RBFOX1: variants seen among roughly 807,000 people sequenced by gnomAD.
The protein encoded by RBFOX1 is RNA binding fox-1 homolog 1, also known as RNA binding protein fox-1 homolog 1.
Under a neutral mutation model 57.7 loss-of-function variants are expected in RBFOX1, and 8 were observed. The observed-to-expected ratio is 0.14, with a 90% CI of 0.08 to 0.25. RBFOX1 has a LOEUF of 0.25. RBFOX1 is among the 10% of genes least tolerant of loss of function. RBFOX1 has a pLI of 1.00. For missense variants in RBFOX1, 611 were observed against 548.5 expected, an observed-to-expected ratio of 1.11 and a Z score of -1.14; for synonymous variants, 326 against 222.4, an observed-to-expected ratio of 1.47 and a Z score of -4.15.
chr16:7,125,845 G>C (rs1269935859), intron 4 of RBFOX1, among the ~76,000 whole-genome samples: 1 of 152,180 alleles, frequency 6.6e-6, no homozygotes, highest in Non-Finnish European at 1.5e-5. Context: ...CACTTTGGGA[G>C]GCTGCGGTGG....
At chr16:5,553,962 C>G in intron 2 of RBFOX1, among the ~76,000 whole-genome samples, 1 of 134,010 alleles carries the variant, frequency 7.5e-6, no homozygotes. Flanking sequence ...TTTCTTATAA[C>G]ACGTATTCTT....
At chr16:7,398,872 G>A (rs1412660185) in intron 4 of RBFOX1, among the ~76,000 whole-genome samples, 3 of 152,144 alleles carry the variant, frequency 2.0e-5, no homozygotes, top group African/African-American at 7.2e-5. Flanking sequence ...GGGGCTAGAG[G>A]GTTCCCTATT....
intron 3 of RBFOX1, among the ~76,000 whole-genome samples, chr16:6,862,353 G>A (rs903796643): frequency 6.6e-6 from 1 of 152,160 alleles, no homozygotes; most frequent in African/African-American, 2.4e-5. Flanking sequence ...GTTCCTGGAA[G>A]CACATTTTGA....
chr16:5,606,447 T>G (rs536014988), intron 3 of RBFOX1, among the ~76,000 whole-genome samples: 51 of 152,120 alleles, frequency 3.4e-4, no homozygotes, highest in African/African-American at 1.2e-3. Flanking sequence ...CCCTCCACCC[T>G]CATTCCTCCC....
At chr16:7,403,176 A>T (rs914432845) in intron 4 of RBFOX1, among the ~76,000 whole-genome samples, 1 of 152,196 alleles carries the variant, frequency 6.6e-6, no homozygotes, top group Non-Finnish European at 1.5e-5. Context: ...TACATTATGC[A>T]GTGACCACCA....
intron 4 of RBFOX1, among the ~76,000 whole-genome samples, chr16:7,170,965 A>G (rs2080572966): frequency 6.6e-6 from 1 of 152,302 alleles, no homozygotes. Flanking sequence ...TTCCTTTTGC[A>G]GGTGATCCTA....
chr16:7,086,935 C>G (rs1412278505), intron 4 of RBFOX1, among the ~76,000 whole-genome samples: 1 of 152,144 alleles, frequency 6.6e-6, no homozygotes, highest in African/African-American at 2.4e-5. Flanking sequence ...CCCTCCTTCC[C>G]TTTTCCCGGT....
At chr16:7,011,817 A>T (rs563884660) in intron 3 of RBFOX1, among the ~76,000 whole-genome samples, 10 of 152,270 alleles carry the variant, frequency 6.6e-5, no homozygotes, top group Non-Finnish European at 1.3e-4. Flanking sequence ...CCGTGCCCCA[A>T]GTTGTTTTTG....
chr16:5,310,843 A>C (rs2064068071), intron 1 of RBFOX1, among the ~76,000 whole-genome samples: 1 of 152,210 alleles, frequency 6.6e-6, no homozygotes. Flanking sequence ...TTTTCTTTAA[A>C]ATTTTTAAAA....
chr16:7,052,067 A>T lies in RBFOX1; in HGVS notation c.-5A>T, dbSNP rs1346519398. 1 of 1,612,708 alleles carries T rather than the reference A, an allele frequency of 6.2e-7. No individual in the cohort carries two copies. ...TTCTTTTCTTTCTAGGTTTCAAGACAACAGATGAATTGTGAAAGAGAGCAG... is the reference window on the plus strand; with the variant it reads ...TTCTTTTCTTTCTAGGTTTCAAGACTACAGATGAATTGTGAAAGAGAGCAG... On this transcript the variant is annotated 5_prime_UTR_variant, in exon 4 of 16. Coordinates refer to ENST00000550418, the MANE Select transcript of RBFOX1 (RefSeq NM_018723.4).
chr16:5,347,706 A>C (rs566510239), intron 1 of RBFOX1, among the ~76,000 whole-genome samples: 2 of 119,336 alleles, frequency 1.7e-5, no homozygotes, highest in Admixed American at 9.6e-5. Context: ...CCTTCCACCC[A>C]CCCATCCATC....
At chr16:7,665,062 A>T (rs1445616351) in intron 13 of RBFOX1, 94 bp downstream of exon 13, 3 of 1,610,068 alleles carry the variant, frequency 1.9e-6, no homozygotes, top group Non-Finnish European at 2.5e-6. Flanking sequence ...GGCGTAGTTG[A>T]GTTTCTCTCC....
chr16:6,658,797 C>G (rs1202971312), intron 3 of RBFOX1, among the ~76,000 whole-genome samples: 3 of 152,058 alleles, frequency 2.0e-5, no homozygotes. Flanking sequence ...ATGAATGTAC[C>G]TGCTTGGATG....
intron 5 of RBFOX1, among the ~76,000 whole-genome samples, chr16:7,573,793 C>T (rs1332107390): frequency 6.6e-6 from 1 of 151,424 alleles, no homozygotes; most frequent in African/African-American, 2.4e-5. Flanking sequence ...TAAGATTGTG[C>T]CACTAGACTC....
intron 3 of RBFOX1, among the ~76,000 whole-genome samples, chr16:6,900,349 C>G (rs978208397): frequency 6.6e-6 from 1 of 152,174 alleles, no homozygotes; most frequent in Non-Finnish European, 1.5e-5. Flanking sequence ...CCACAAAATC[C>G]TTTAGGGATC....
intron 1 of RBFOX1, among the ~76,000 whole-genome samples, chr16:5,437,461 C>G (rs954508399): frequency 2.0e-5 from 3 of 152,154 alleles, no homozygotes; most frequent in African/African-American, 7.2e-5. Flanking sequence ...ACATGAAGAA[C>G]AAAAGTGTAC....
intron 3 of RBFOX1, among the ~76,000 whole-genome samples, chr16:6,829,841 A>T (rs905284274): frequency 1.3e-5 from 2 of 152,276 alleles, no homozygotes; most frequent in South Asian, 4.2e-4. Flanking sequence ...ACCTTAGGAG[A>T]TCTGCCTGCC....
At chr16:5,637,008 C>T (rs1237451564) in intron 3 of RBFOX1, among the ~76,000 whole-genome samples, 3 of 152,200 alleles carry the variant, frequency 2.0e-5, no homozygotes, top group African/African-American at 7.2e-5. Flanking sequence ...TCGGGCCCCT[C>T]AGGCTTCAAG....
At chr16:6,668,692 T>C (rs954052394) in intron 3 of RBFOX1, among the ~76,000 whole-genome samples, 6 of 152,218 alleles carry the variant, frequency 3.9e-5, no homozygotes, top group African/African-American at 1.4e-4. Context: ...GTGTGATTTG[T>C]CTATGATGAT....
Sources: allele counts gnomAD v4.1 joint callset (sites outside exome capture counted in the v4.1 genomes callset), GRCh38; gene constraint gnomAD v4.1.1; transcripts MANE v1.5; gene names NCBI Gene and HGNC (gene_info 2026-07-23, HGNC 2026-07-21).